The following IQGAP2 variants were observed in gnomAD, a reference collection of about 807,000 sequenced individuals.
The protein encoded by IQGAP2 is IQ motif containing GTPase activating protein 2, also known as ras GTPase-activating-like protein IQGAP2.
Under a neutral mutation model 201.3 loss-of-function variants are expected in IQGAP2, and 173 were observed. The observed-to-expected ratio is 0.86, with a 90% CI of 0.76 to 0.98. The LOEUF (loss-of-function observed/expected upper bound fraction) is 0.98, where lower values mean the gene tolerates loss of function less well. Among genes scored for constraint, IQGAP2 ranks in the 50% least tolerant of loss-of-function variants. The pLI, the probability that IQGAP2 is intolerant of heterozygous loss-of-function variation, is 0.00. For synonymous variants in IQGAP2, 675 were observed against 673.9 expected (o/e 1.00, Z -0.03); for missense variants, 1,687 against 1,864.8 (o/e 0.90, Z 1.76).
intron 5 of IQGAP2, among the ~76,000 whole-genome samples, chr5:76,585,348 A>G (rs929187479): frequency 1.3e-5 from 2 of 152,088 alleles, no homozygotes; most frequent in Admixed American, 1.3e-4. Context: ...ACTGTATAAC[A>G]TTTTCTAAAT....
At chr5:76,483,802 C>A (rs1348164935) in intron 2 of IQGAP2, among the ~76,000 whole-genome samples, 2 of 152,172 alleles carry the variant, frequency 1.3e-5, no homozygotes, top group African/African-American at 2.4e-5. Context: ...TCTTTCCATC[C>A]CCACCCCATG....
At position 76,493,603 on chromosome 5, in the gene IQGAP2, C is replaced by T. The variant is rs988457639; in HGVS notation, c.146+31934C>T. ...GTCAGATCCTCCACACTGCTCCCCC[C>T]ACCCCATAGGTGGCTCTTTTTTTGG... is the stretch of plus-strand genomic sequence containing the variant. On this transcript the variant is annotated intron_variant, in intron 2 of 35. Transcript: ENST00000274364. Among the ~76,000 whole-genome samples, 4 of 152,298 alleles carry T rather than the reference C, an allele frequency of 2.6e-5. No individual in the cohort carries two copies. In the East Asian group the frequency reaches 5.8e-4, roughly 22 times the overall value.
At chr5:76,470,619 C>T (rs1303306497) in intron 2 of IQGAP2, among the ~76,000 whole-genome samples, 1 of 152,044 alleles carries the variant, frequency 6.6e-6, no homozygotes, top group African/African-American at 2.4e-5. Context: ...CTGTGTTGCC[C>T]AGGCTGGATT....
intron 21 of IQGAP2, among the ~76,000 whole-genome samples, chr5:76,662,041 GA>G (rs1202607085): frequency 6.6e-6 from 1 of 152,180 alleles, no homozygotes; most frequent in East Asian, 1.9e-4. Flanking sequence ...GAGTTTTGAT[GA>G]ATAAAAAGTA....
At chr5:76,508,563 C>G (rs997667217) in intron 2 of IQGAP2, among the ~76,000 whole-genome samples, 1 of 151,924 alleles carries the variant, frequency 6.6e-6, no homozygotes, top group African/African-American at 2.4e-5. Context: ...AAAGATCAGA[C>G]CCGGTTTGGT....
At chr5:76,558,205 C>T (rs192446996) in intron 2 of IQGAP2, among the ~76,000 whole-genome samples, 3 of 152,214 alleles carry the variant, frequency 2.0e-5, no homozygotes, top group Admixed American at 6.5e-5. Context: ...TATCATACTT[C>T]GGGGAGCTTT....
At chr5:76,483,370 A>G (rs1055800699) in intron 2 of IQGAP2, among the ~76,000 whole-genome samples, 3 of 152,246 alleles carry the variant, frequency 2.0e-5, no homozygotes, top group African/African-American at 7.2e-5. Context: ...GTGGTTAATT[A>G]TACATTTACA....
At chr5:76,421,626 A>AG (rs1751734537) in intron 1 of IQGAP2, among the ~76,000 whole-genome samples, 1 of 152,136 alleles carries the variant, frequency 6.6e-6, no homozygotes, top group African/African-American at 2.4e-5. Context: ...CATAAAAAAA[A>AG]TAGGTGTGGC....
At chr5:76,658,430 T>G (rs746140940) in intron 20 of IQGAP2, 29 bp from the exon 21 acceptor site, 1 of 1,549,332 alleles carries the variant, frequency 6.5e-7, no homozygotes, top group Admixed American at 1.7e-5. Flanking sequence ...GCTTTCCTAA[T>G]TAAAGTATAC....
chr5:76,615,495 G>C (rs931311626), intron 13 of IQGAP2: 1 of 152,144 alleles, frequency 6.6e-6, no homozygotes, highest in African/African-American at 2.4e-5. Context: ...ATTTAAAATT[G>C]TTTTTTATTG....
chr5:76,517,829 T>A (rs2150190464), intron 2 of IQGAP2, among the ~76,000 whole-genome samples: 1 of 152,224 alleles, frequency 6.6e-6, no homozygotes, highest in South Asian at 2.1e-4. Context: ...AAGCACCTAT[T>A]TTAGAGTAGG....
intron 5 of IQGAP2, among the ~76,000 whole-genome samples, chr5:76,580,685 G>A (rs1217474268): frequency 6.6e-6 from 1 of 152,056 alleles, no homozygotes; most frequent in Non-Finnish European, 1.5e-5. Context: ...GAACCAGATT[G>A]TTTCAGCTTG....
intron 2 of IQGAP2, among the ~76,000 whole-genome samples, chr5:76,498,896 G>A (rs1419387295): frequency 6.6e-6 from 1 of 152,226 alleles, no homozygotes; most frequent in African/African-American, 2.4e-5. Flanking sequence ...GTTCTAGATA[G>A]TGCCCCCAAC....
chr5:76,504,933 C>T (rs1180505364), intron 2 of IQGAP2, among the ~76,000 whole-genome samples: 5 of 152,154 alleles, frequency 3.3e-5, no homozygotes, highest in Admixed American at 3.3e-4. Flanking sequence ...CTTAGGTGGA[C>T]CCTCCTCCCC....
intron 1 of IQGAP2, among the ~76,000 whole-genome samples, chr5:76,458,911 T>C (rs1754259749): frequency 6.6e-6 from 1 of 152,188 alleles, no homozygotes; most frequent in Non-Finnish European, 1.5e-5. Flanking sequence ...ATGCAGCCTG[T>C]GCAGGGAGGT....
chr5:76,527,004 G>A (rs1759013888), intron 2 of IQGAP2, among the ~76,000 whole-genome samples: 1 of 152,182 alleles, frequency 6.6e-6, no homozygotes, highest in African/African-American at 2.4e-5. Context: ...GCAGGATACT[G>A]AGTGTTTGAT....
At chr5:76,685,175 CAAGGCAGATGA>C (rs1745629085) in intron 30 of IQGAP2, among the ~76,000 whole-genome samples, 1 of 152,064 alleles carries the variant, frequency 6.6e-6, no homozygotes, top group Non-Finnish European at 1.5e-5. Flanking sequence ...TACAGATTAC[CAAGGCAGATGA>C]AAATTTCAGG....
chr5:76,501,889 C>T (rs1296255419), intron 2 of IQGAP2, among the ~76,000 whole-genome samples: 1 of 151,986 alleles, frequency 6.6e-6, no homozygotes, highest in Non-Finnish European at 1.5e-5. Flanking sequence ...GTGATCCACC[C>T]ACCTCGGCCT....
chr5:76,546,851 A>G (rs1743129902), intron 2 of IQGAP2, among the ~76,000 whole-genome samples: 1 of 152,228 alleles, frequency 6.6e-6, no homozygotes, highest in South Asian at 2.1e-4. Flanking sequence ...CCTACTGCTT[A>G]TAAAGACTGT....
Sources: allele counts gnomAD v4.1 joint callset (sites outside exome capture counted in the v4.1 genomes callset), GRCh38; gene constraint gnomAD v4.1.1; transcripts MANE v1.5; gene names NCBI Gene and HGNC (gene_info 2026-07-23, HGNC 2026-07-21).